MED12L: variants seen among roughly 807,000 people sequenced by gnomAD.
MED12L encodes the protein mediator of RNA polymerase II transcription subunit 12-like protein.
Under a neutral mutation model 281.3 loss-of-function variants are expected in MED12L, and 60 were observed. The ratio of observed to expected loss-of-function variants is 0.21; its 90% CI spans 0.17 to 0.26. The LOEUF (loss-of-function observed/expected upper bound fraction) is 0.26. Among genes scored for constraint, MED12L ranks in the 10% least tolerant of loss-of-function variants. The probability of loss-of-function intolerance (pLI) is 1.00; values close to 1 mark genes in which losing one functional copy is unlikely to be tolerated. For synonymous variants in MED12L, 974 were observed against 987.2 expected, an observed-to-expected ratio of 0.99 and a Z score of 0.25; for missense variants, 2,146 against 2,680.9, an observed-to-expected ratio of 0.80 and a Z score of 4.41.
intron 16 of MED12L, among the ~76,000 whole-genome samples, chr3:151,344,010 C>A (rs980622683): frequency 6.6e-6 from 1 of 152,090 alleles, no homozygotes. Context: ...GCTAGCTTGG[C>A]TTTATCCATT....
chr3:151,089,191 A>T (rs1178791404), intron 2 of MED12L, among the ~76,000 whole-genome samples: 1 of 152,232 alleles, frequency 6.6e-6, no homozygotes, highest in Non-Finnish European at 1.5e-5. Context: ...ATATGTATAT[A>T]TAAAATTTAT....
chr3:151,274,508 A>G (rs1047493365), intron 16 of MED12L, among the ~76,000 whole-genome samples: 4 of 152,244 alleles, frequency 2.6e-5, no homozygotes, highest in African/African-American at 4.8e-5. Context: ...CAGGAGAGAA[A>G]GAACATTCAA....
chr3:151,087,424 G>A (rs1478208712), intron 2 of MED12L, among the ~76,000 whole-genome samples: 1 of 152,246 alleles, frequency 6.6e-6, no homozygotes, highest in Non-Finnish European at 1.5e-5. Flanking sequence ...ATCCTACACT[G>A]AGGTCTTGCG....
chr3:151,100,555 A>T lies in MED12L; in HGVS notation c.99+13530A>T, dbSNP rs893948141. ...TGGCTGAGGCAGTGCTAAATAATTT[A>T]TCATTCTCCTGAGTTCTGCGAGGAA... On this transcript the variant is annotated intron_variant, in intron 2 of 44. Transcript: ENST00000687756. Among the ~76,000 whole-genome samples the T allele has an allele frequency of 2.0e-5, 3 of 152,248 alleles. No individual in the cohort carries two copies. In the South Asian group the frequency reaches 6.2e-4, roughly 32 times the overall value.
chr3:151,188,830 G>GAGT (rs1723592894), intron 13 of MED12L, among the ~76,000 whole-genome samples: 1 of 152,142 alleles, frequency 6.6e-6, no homozygotes, highest in Non-Finnish European at 1.5e-5. Context: ...TTAAACATGG[G>GAGT]AGTAGGGGGG....
At position 151,428,229 on chromosome 3, in the gene MED12L, G is replaced by A. The variant is rs548516640; in HGVS notation, c.6409-2070G>A. 3.9e-5 allele frequency among the ~76,000 whole-genome samples: 6 copies of A among 152,296 alleles called. No individual in the cohort carries two copies. The South Asian group carries it at 1.0e-3, about 26-fold the overall frequency. ...TTACAGCTAAGTCAGGATTAAATATGCTAATAGACACATAGAATGTCTGGA... is the reference window on the plus strand; with the variant it reads ...TTACAGCTAAGTCAGGATTAAATATACTAATAGACACATAGAATGTCTGGA... On this transcript the variant is annotated intron_variant, in intron 43 of 44. Coordinates refer to ENST00000687756, the MANE Select transcript of MED12L (RefSeq NM_001393769.1).
chr3:151,145,134 G>C (rs1288730386), intron 5 of MED12L, among the ~76,000 whole-genome samples: 3 of 152,206 alleles, frequency 2.0e-5, no homozygotes, highest in Non-Finnish European at 4.4e-5. Flanking sequence ...GAAGCACCCA[G>C]GGGCTGACTT....
At chr3:151,232,103 C>T (rs13083258) in intron 16 of MED12L, among the ~76,000 whole-genome samples, 110 of 152,260 alleles carry the variant, frequency 7.2e-4, no homozygotes, top group Admixed American at 1.6e-3. Flanking sequence ...TGCTATTTTT[C>T]TTACCTTTCC....
chr3:151,231,372 A>C (rs949700981), intron 16 of MED12L, among the ~76,000 whole-genome samples: 2 of 152,230 alleles, frequency 1.3e-5, no homozygotes, highest in African/African-American at 4.8e-5. Flanking sequence ...ATTTAGAGTA[A>C]TAAAAAGTAT....
In MED12L at chr3:151,377,999, T is replaced by C. The variant is rs777949545; in HGVS notation, c.4317-13T>C. Reference sequence around the variant, plus strand: ...GATGCTTTCTCCGGTGTAACACCTGTTTCTGATTTTAGTTCCTCCGAACGC... The same window carrying C: ...GATGCTTTCTCCGGTGTAACACCTGCTTCTGATTTTAGTTCCTCCGAACGC... On this transcript the variant is annotated splice_polypyrimidine_tract_variant and intron_variant, in intron 30 of 44. Transcript: ENST00000687756. 2.5e-6 allele frequency: 4 copies of C among 1,583,962 alleles called. No individual in the cohort carries two copies. Among genetic ancestry groups the C allele is most frequent in the Non-Finnish European group, 2.6e-6 (3 of 1,162,120 alleles).
chr3:151,195,767 C>G (rs1317359524), intron 16 of MED12L, among the ~76,000 whole-genome samples: 1 of 152,150 alleles, frequency 6.6e-6, no homozygotes, highest in Non-Finnish European at 1.5e-5. Context: ...TTCTTAGTTT[C>G]ACCAAATGTA....
chr3:151,307,689 C>T (rs1459806873), intron 16 of MED12L, among the ~76,000 whole-genome samples: 2 of 151,864 alleles, frequency 1.3e-5, no homozygotes, highest in African/African-American at 4.8e-5. Context: ...CCTGACTATT[C>T]TTTTTGACAA....
chr3:151,221,124 T>C (rs1381667220), intron 16 of MED12L, among the ~76,000 whole-genome samples: 1 of 152,198 alleles, frequency 6.6e-6, no homozygotes, highest in Non-Finnish European at 1.5e-5. Flanking sequence ...ATTTTGCCCC[T>C]ACCCTAGAGA....
intron 5 of MED12L, among the ~76,000 whole-genome samples, chr3:151,143,108 G>C (rs1388485124): frequency 6.6e-6 from 1 of 152,232 alleles, no homozygotes; most frequent in Non-Finnish European, 1.5e-5. Flanking sequence ...ACAGGAGTGA[G>C]TTCCGGAGCA....
chr3:151,156,150 T>C lies in MED12L; in HGVS notation c.557-11T>C. On this transcript the variant is annotated splice_polypyrimidine_tract_variant and intron_variant, in intron 5 of 44. Transcript: ENST00000687756. Reference sequence around the variant, plus strand: ...TCTAGAAACTCATATTTTTCTTTTTTTAAAATGCAGAGTGGACACAGATAT... The same window carrying C: ...TCTAGAAACTCATATTTTTCTTTTTCTAAAATGCAGAGTGGACACAGATAT... 6.3e-7 allele frequency: 1 copy of C among 1,579,152 alleles called. No individual in the cohort carries two copies. Among genetic ancestry groups the C allele is most frequent in the Non-Finnish European group, 8.6e-7 (1 of 1,165,448 alleles).
At chr3:151,187,348 C>T (rs913640537) in intron 12 of MED12L, among the ~76,000 whole-genome samples, 1 of 152,156 alleles carries the variant, frequency 6.6e-6, no homozygotes, top group African/African-American at 2.4e-5. Flanking sequence ...TACAAACATA[C>T]ACATTCCACT....
At chr3:151,316,393 A>G (rs1748240603) in intron 16 of MED12L, 1 of 152,156 alleles carries the variant, frequency 6.6e-6, no homozygotes, top group African/African-American at 2.4e-5. Context: ...TGTAGTTTAT[A>G]TTTCTGCCTG....
chr3:151,348,808 C>T (rs1359068831), intron 16 of MED12L, among the ~76,000 whole-genome samples: 3 of 152,220 alleles, frequency 2.0e-5, no homozygotes, highest in Non-Finnish European at 2.9e-5. Context: ...CTTAGTTTAA[C>T]GCTACAGAAG....
chr3:151,190,408 G>A (rs1364995667), intron 13 of MED12L, among the ~76,000 whole-genome samples: 4 of 151,994 alleles, frequency 2.6e-5, no homozygotes, highest in Non-Finnish European at 5.9e-5. Flanking sequence ...CTGACCTCAG[G>A]GGATCTGTCC....
Sources: allele counts gnomAD v4.1 joint callset (sites outside exome capture counted in the v4.1 genomes callset), GRCh38; gene constraint gnomAD v4.1.1; transcripts MANE v1.5; gene names NCBI Gene and HGNC (gene_info 2026-07-23, HGNC 2026-07-21).